The following IMPA2 variants were observed in gnomAD, a reference collection of about 807,000 sequenced individuals.
The protein encoded by IMPA2 is inositol monophosphatase 2.
Under a neutral mutation model 35.1 loss-of-function variants are expected in IMPA2, and 32 were observed. The ratio of observed to expected loss-of-function variants is 0.91; its 90% CI spans 0.69 to 1.23. The LOEUF is 1.23. Ranked by LOEUF, IMPA2 falls within the 50% of genes most tolerant of loss-of-function variation. The pLI is 0.00. For missense variants in IMPA2, 334 were observed against 387.6 expected, an observed-to-expected ratio of 0.86 and a Z score of 1.16; for synonymous variants, 135 against 160.6, an observed-to-expected ratio of 0.84 and a Z score of 1.20.
chr18:11,981,651 G>T lies in IMPA2; in HGVS notation c.-19G>T. On this transcript the variant is annotated 5_prime_UTR_variant, in exon 1 of 8. In the 5' UTR this introduces an upstream ATG that the reference lacks. Coordinates refer to ENST00000269159, the MANE Select transcript of IMPA2 (RefSeq NM_014214.3). ...CCCGCCGAGGGGGGCTGGAGGTGGA[G>T]GGGCCCGGCGAGGCCGCGATGAAGC... The T allele has an allele frequency of 8.1e-7, 1 of 1,227,642 alleles. No individual in the cohort carries two copies. The highest frequency in any genetic ancestry group is 4.0e-5 in the South Asian group (1 of 24,718). 76.0% of individuals were successfully genotyped at this position (1,227,642 alleles called of 1,614,324 possible).
In IMPA2 at chr18:11,981,616, G is replaced by A; in HGVS notation, c.-54G>A. On this transcript the variant is annotated 5_prime_UTR_variant, in exon 1 of 8. Coordinates refer to ENST00000269159, the MANE Select transcript of IMPA2 (RefSeq NM_014214.3). Reference sequence around the variant, plus strand: ...GCGGCGGGACGGCGGGATCCGGTGGGAGCCGGAGTCCCGCCGAGGGGGGCT... The same window carrying A: ...GCGGCGGGACGGCGGGATCCGGTGGAAGCCGGAGTCCCGCCGAGGGGGGCT... The A allele has an allele frequency of 8.8e-7, 1 of 1,142,304 alleles. No individual in the cohort carries two copies. Among genetic ancestry groups the A allele is most frequent in the Non-Finnish European group, 1.1e-6 (1 of 908,056 alleles). The allele number at this position is 1,142,304 out of a possible 1,614,324, so 70.8% of individuals were successfully genotyped here.
intron 2 of IMPA2, among the ~76,000 whole-genome samples, chr18:12,000,315 G>GGA (rs1181973034): frequency 2.7e-5 from 4 of 149,754 alleles, no homozygotes; most frequent in African/African-American, 9.9e-5. Context: ...TGGGATTACA[G>GGA]GAGCCACTCC....
intron 5 of IMPA2, among the ~76,000 whole-genome samples, chr18:12,019,699 C>T (rs1053171174): frequency 6.6e-6 from 1 of 151,980 alleles, no homozygotes; most frequent in Admixed American, 6.6e-5. Context: ...TTTATAACAT[C>T]ATGTATTGGT....
chr18:12,008,921 G>C (rs1192220331), intron 2 of IMPA2, among the ~76,000 whole-genome samples: 1 of 152,166 alleles, frequency 6.6e-6, no homozygotes, highest in Non-Finnish European at 1.5e-5. Context: ...GCCTGCTGCA[G>C]AGTGCAGGAG....
intron 7 of IMPA2, among the ~76,000 whole-genome samples, chr18:12,029,246 C>G (rs1331575699): frequency 1.3e-5 from 2 of 150,264 alleles, no homozygotes; most frequent in African/African-American, 4.9e-5. Flanking sequence ...TCCTGAGTAG[C>G]TGTGATTACA....
Position 12,014,310 on chromosome 18 carries a change from A to ACGGGC in IMPA2, c.431_435dup (p.Arg146AlafsTer28). 2 of 1,613,162 alleles carry ACGGGC rather than the reference A, an allele frequency of 1.2e-6. No homozygotes were observed. The highest frequency in any genetic ancestry group is 1.7e-6 in the Non-Finnish European group (2 of 1,179,672). On this transcript the variant is annotated frameshift_variant, in exon 5 of 8. Coordinates refer to ENST00000269159, the MANE Select transcript of IMPA2 (RefSeq NM_014214.3). LOFTEE classifies it high-confidence loss of function. ...CCACTGCACAGAGGAGCGGCTGTAC[A>ACGGGC]CGGGCCGGCGGGGTCGGGGCGCCTT... is the stretch of plus-strand genomic sequence containing the variant.
intron 5 of IMPA2, among the ~76,000 whole-genome samples, chr18:12,021,149 T>C (rs1907717805): frequency 1.3e-5 from 2 of 152,138 alleles, no homozygotes; most frequent in East Asian, 3.9e-4. Flanking sequence ...CCCAGCACTT[T>C]GGGAGGCTGA....
chr18:12,011,190 G>A (rs191397979), intron 3 of IMPA2, among the ~76,000 whole-genome samples: 52 of 152,324 alleles, frequency 3.4e-4, no homozygotes, highest in African/African-American at 1.2e-3. Flanking sequence ...ACCCCTGGGG[G>A]GATCCTGGTA....
chr18:11,984,644 A>C (rs1265492971), intron 1 of IMPA2, among the ~76,000 whole-genome samples: 1 of 151,742 alleles, frequency 6.6e-6, no homozygotes, highest in Non-Finnish European at 1.5e-5. Context: ...ATTTGAGACC[A>C]ATATAGTGAA....
At chr18:12,028,431 A>T in intron 6 of IMPA2, 1 of 474,320 alleles carries the variant, frequency 2.1e-6, no homozygotes, top group Admixed American at 3.5e-5. Flanking sequence ...AAATACTTAC[A>T]GTCCTTCCCG....
At chr18:11,997,729 G>A (rs1473643437) in intron 1 of IMPA2, among the ~76,000 whole-genome samples, 1 of 152,132 alleles carries the variant, frequency 6.6e-6, no homozygotes, top group Non-Finnish European at 1.5e-5. Context: ...TGTCACGTCC[G>A]GGCACCTGGC....
chr18:11,984,297 C>T (rs1906592926), intron 1 of IMPA2, among the ~76,000 whole-genome samples: 1 of 152,220 alleles, frequency 6.6e-6, no homozygotes, highest in Non-Finnish European at 1.5e-5. Context: ...CATCCCTGCC[C>T]TCCTAGTTCC....
chr18:12,010,349 C>T lies in IMPA2; in HGVS notation c.335+362C>T, dbSNP rs1907398446. 2.0e-5 allele frequency: 4 copies of T among 201,454 alleles called. No individual in the cohort carries two copies. The Admixed American group carries it at 2.3e-4, about 11-fold the overall frequency. The allele number at this position is 201,454 out of a possible 1,614,324, so 12.5% of individuals were successfully genotyped here. ...AAAGCCTGTGCTGCCCCACAGTGGCCCGGAGCCCAAGGTGTAGAGAGTGGC... is the reference window on the plus strand; with the variant it reads ...AAAGCCTGTGCTGCCCCACAGTGGCTCGGAGCCCAAGGTGTAGAGAGTGGC... On this transcript the variant is annotated intron_variant, in intron 3 of 7. Transcript: ENST00000269159. The surrounding 1 kb of genome is among the most constrained non-coding windows in gnomAD (Gnocchi z 4.8).
At chr18:12,007,485 C>T (rs72873575) in intron 2 of IMPA2, among the ~76,000 whole-genome samples, 21,929 of 152,074 alleles carry the variant, frequency 0.14, 1,832 homozygotes, top group African/African-American at 0.22. Flanking sequence ...ATGGTTCGTG[C>T]GGGGAAAGTG....
rs199774428 is a variant in IMPA2, at chr18:12,025,202, GCTTT to G, written c.491-2838_491-2835del. On this transcript the variant is annotated intron_variant, in intron 5 of 7. Coordinates refer to ENST00000269159, the MANE Select transcript of IMPA2 (RefSeq NM_014214.3). ...TTAAGGTTCATCCGTATCTTGTCAT[GCTTT>G]CTCATTTCCTTTAAGTGCTGGATAA... Among the ~76,000 whole-genome samples the G allele has an allele frequency of 2.0e-4, 30 of 152,300 alleles. 1 individual carries two copies. The East Asian group carries it at 5.8e-3, about 29-fold the overall frequency.
chr18:12,012,117 C>CCATGG (rs1907449169), intron 3 of IMPA2, 53 bp from the exon 4 acceptor site: 2 of 1,580,434 alleles, frequency 1.3e-6, no homozygotes, highest in Non-Finnish European at 8.7e-7. Flanking sequence ...CACAGGCTCC[C>CCATGG]GAGAGCTGCC....
chr18:12,021,461 G>T (rs1412773469), intron 5 of IMPA2, among the ~76,000 whole-genome samples: 3 of 58,940 alleles, frequency 5.1e-5, no homozygotes, highest in Non-Finnish European at 1.3e-4. Flanking sequence ...AAACCAGCTT[G>T]TGCCACAGGC....
chr18:12,017,010 ATC>A (rs141129198), intron 5 of IMPA2, among the ~76,000 whole-genome samples: 5 of 151,808 alleles, frequency 3.3e-5, no homozygotes, highest in African/African-American at 1.2e-4. Context: ...AGCACCACTA[ATC>A]TCTCTCTCTT....
At chr18:11,997,791 T>G (rs547118292) in intron 1 of IMPA2, among the ~76,000 whole-genome samples, 1 of 152,346 alleles carries the variant, frequency 6.6e-6, no homozygotes, top group East Asian at 1.9e-4. Context: ...GTAGCTAGTT[T>G]AGGAAGAAGG....
Sources: gnomAD v4.1 joint callset for allele counts (sites outside exome capture counted in the v4.1 genomes callset) on GRCh38, gnomAD v4.1.1 for gene constraint, Gnocchi (gnomAD v3.1) non-coding constraint, MANE v1.5 for transcripts, NCBI Gene and HGNC (gene_info 2026-07-23, HGNC 2026-07-21) for gene names.